DPYD: variants seen among roughly 807,000 people sequenced by gnomAD.
The protein encoded by DPYD is dihydropyrimidine dehydrogenase.
DPYD carries 109 observed loss-of-function variants against 116.2 expected under a neutral mutation model. The observed-to-expected ratio is 0.94, with a 90% CI of 0.80 to 1.10. DPYD has a LOEUF of 1.10. Ranked by LOEUF, DPYD falls within the 50% of genes least tolerant of loss-of-function variation. DPYD has a pLI of 0.00. For synonymous variants in DPYD, 440 were observed against 432.0 expected (o/e 1.02, Z -0.23); for missense variants, 1,302 against 1,254.5 (o/e 1.04, Z -0.57).
chr1:97,846,865 T>C (rs1301939046), intron 2 of DPYD, among the ~76,000 whole-genome samples: 1 of 152,198 alleles, frequency 6.6e-6, no homozygotes, highest in Non-Finnish European at 1.5e-5. Flanking sequence ...GTACAACTAA[T>C]AAAACATTAG....
At chr1:97,519,618 A>C (rs1310472704) in intron 12 of DPYD, among the ~76,000 whole-genome samples, 1 of 152,202 alleles carries the variant, frequency 6.6e-6, no homozygotes, top group Non-Finnish European at 1.5e-5. Flanking sequence ...AGCTAGAACA[A>C]TCAAAGAGAC....
At chr1:97,161,775 T>A (rs1214732726) in intron 20 of DPYD, among the ~76,000 whole-genome samples, 5 of 132,034 alleles carry the variant, frequency 3.8e-5, no homozygotes, top group Non-Finnish European at 6.2e-5. Context: ...CCTGTGTCCA[T>A]GTGTTCTCAT....
intron 3 of DPYD, among the ~76,000 whole-genome samples, chr1:97,751,802 G>T (rs1017081048): frequency 1.3e-5 from 2 of 148,772 alleles, no homozygotes; most frequent in East Asian, 2.0e-4. Flanking sequence ...AGTTTCTGTC[G>T]CCCTGACTGG....
At chr1:97,152,974 TA>T (rs903616095) in intron 20 of DPYD, among the ~76,000 whole-genome samples, 3 of 152,102 alleles carry the variant, frequency 2.0e-5, no homozygotes, top group Non-Finnish European at 4.4e-5. Context: ...GTAAAACACT[TA>T]AAAACACTAG....
intron 16 of DPYD, among the ~76,000 whole-genome samples, chr1:97,316,411 G>A (rs1268119000): frequency 6.6e-6 from 1 of 151,496 alleles, no homozygotes; most frequent in Non-Finnish European, 1.5e-5. Context: ...CTACTCAGGA[G>A]GCTGAGGAAT....
chr1:97,271,188 G>C (rs1006051541), intron 18 of DPYD, among the ~76,000 whole-genome samples: 1 of 152,182 alleles, frequency 6.6e-6, no homozygotes, highest in Non-Finnish European at 1.5e-5. Flanking sequence ...AGTTCCCTCT[G>C]ACTGGAGCAC....
At chr1:97,141,289 AAGTT>A (rs1200202876) in intron 20 of DPYD, among the ~76,000 whole-genome samples, 1 of 152,118 alleles carries the variant, frequency 6.6e-6, no homozygotes, top group Non-Finnish European at 1.5e-5. Context: ...GAAGGGAACT[AAGTT>A]AGAGCATGAG....
At chr1:97,401,399 C>T (rs931541760) in intron 14 of DPYD, among the ~76,000 whole-genome samples, 4 of 152,006 alleles carry the variant, frequency 2.6e-5, no homozygotes, top group East Asian at 1.9e-4. Flanking sequence ...CTGCAACCTC[C>T]GCCTCCCAGA....
intron 2 of DPYD, among the ~76,000 whole-genome samples, chr1:97,839,362 C>A (rs1414324075): frequency 6.6e-6 from 1 of 152,142 alleles, no homozygotes; most frequent in Non-Finnish European, 1.5e-5. Flanking sequence ...CTCCAGTGAG[C>A]TAGATTACTA....
chr1:97,580,643 C>CT (rs1653584031), intron 10 of DPYD, among the ~76,000 whole-genome samples: 2 of 152,164 alleles, frequency 1.3e-5, no homozygotes, highest in Non-Finnish European at 2.9e-5. Context: ...CACTTGTGTG[C>CT]TTTTTTGTAA....
intron 18 of DPYD, among the ~76,000 whole-genome samples, chr1:97,291,056 C>T (rs958839043): frequency 2.1e-4 from 32 of 152,208 alleles, no homozygotes; most frequent in African/African-American, 7.7e-4. Flanking sequence ...CAAAAGAAGA[C>T]ATTTATGCAG....
chr1:97,406,527 T>C (rs1341804146), intron 14 of DPYD, among the ~76,000 whole-genome samples: 1 of 151,788 alleles, frequency 6.6e-6, no homozygotes, highest in Non-Finnish European at 1.5e-5. Context: ...ACATTAGGTA[T>C]TTCTCCTAAT....
chr1:97,901,441 A>G (rs1673364232), intron 1 of DPYD, among the ~76,000 whole-genome samples: 1 of 151,876 alleles, frequency 6.6e-6, no homozygotes, highest in Non-Finnish European at 1.5e-5. Context: ...CCTGGTACAC[A>G]TTGCTTATAT....
chr1:97,251,957 GT>G (rs1663129008), intron 18 of DPYD, among the ~76,000 whole-genome samples: 1 of 152,066 alleles, frequency 6.6e-6, no homozygotes, highest in African/African-American at 2.4e-5. Flanking sequence ...GAGAATGTCT[GT>G]TTCTGCACTT....
chr1:97,295,005 T>C (rs922757130), intron 18 of DPYD, among the ~76,000 whole-genome samples: 1 of 152,216 alleles, frequency 6.6e-6, no homozygotes, highest in African/African-American at 2.4e-5. Context: ...GAGTATACTA[T>C]ATTTAGACAG....
intron 12 of DPYD, among the ~76,000 whole-genome samples, chr1:97,533,453 T>A (rs778117063): frequency 2.6e-5 from 4 of 151,978 alleles, no homozygotes; most frequent in Non-Finnish European, 5.9e-5. Flanking sequence ...ATCAAAAAGG[T>A]AACAATTGCC....
At position 97,243,877 on chromosome 1, in the gene DPYD, G is replaced by C. The variant is rs754908472; in HGVS notation, c.2300-8883C>G. Among the ~76,000 whole-genome samples the C allele has an allele frequency of 2.6e-5, 4 of 151,848 alleles. No individual in the cohort carries two copies. In the South Asian group the frequency reaches 6.2e-4, roughly 24 times the overall value. ...GGTCTAAAAGTATCCCAGTTCAGAT[G>C]ATAAATTATAAAATCATACTAGCTA... On this transcript the variant is annotated intron_variant, in intron 18 of 22. Coordinates refer to ENST00000370192, the MANE Select transcript of DPYD (RefSeq NM_000110.4).
chr1:97,584,217 G>A (rs1387831433), intron 10 of DPYD, among the ~76,000 whole-genome samples: 1 of 152,078 alleles, frequency 6.6e-6, no homozygotes, highest in Non-Finnish European at 1.5e-5. Flanking sequence ...GTCTTCTTTT[G>A]AGAAGTGTCT....
chr1:97,181,723 A>T (rs79975132), intron 20 of DPYD, among the ~76,000 whole-genome samples: 1 of 152,288 alleles, frequency 6.6e-6, no homozygotes, highest in Admixed American at 6.5e-5. Context: ...TATCTACCCC[A>T]ATATTACCCA....
Sources: gnomAD v4.1 joint callset for allele counts (sites outside exome capture counted in the v4.1 genomes callset) on GRCh38, gnomAD v4.1.1 for gene constraint, MANE v1.5 for transcripts, NCBI Gene and HGNC (gene_info 2026-07-23, HGNC 2026-07-21) for gene names.